The following REPS2 variants were observed in gnomAD, a reference collection of about 807,000 sequenced individuals.
REPS2 encodes the protein RALBP1 associated Eps domain containing 2, also known as ralBP1-associated Eps domain-containing protein 2.
In REPS2, 23 loss-of-function variants were observed where a neutral mutation model predicts 53.6. That is an observed-to-expected ratio of 0.43 (90% CI 0.31 to 0.61). The LOEUF is 0.61. Among genes scored for constraint, REPS2 ranks in the 20% least tolerant of loss-of-function variants. The pLI is 0.11. For synonymous variants in REPS2, 238 were observed against 218.6 expected, an observed-to-expected ratio of 1.09 and a Z score of -0.78; for missense variants, 446 against 534.9, an observed-to-expected ratio of 0.83 and a Z score of 1.64.
intron 17 of REPS2, among the ~76,000 whole-genome samples, chrX:17,144,980 A>G (rs954253): frequency 0.39 from 42,519 of 110,273 alleles, 6,357 homozygotes; most frequent in East Asian, 0.82. Flanking sequence ...AACTCACCCT[A>G]TGGTTATTTC....
chrX:17,058,530 A>C (rs1376285386), intron 8 of REPS2, among the ~76,000 whole-genome samples: 1 of 111,095 alleles, frequency 9.0e-6, no homozygotes. Context: ...GTTAACAGGA[A>C]AGAAGTAATC....
intron 13 of REPS2, 65 bp from the exon 14 acceptor site, chrX:17,103,653 C>T (rs1381347951): frequency 3.8e-6 from 4 of 1,040,217 alleles, no homozygotes; most frequent in Non-Finnish European, 5.4e-6. Flanking sequence ...AGTTAACAAG[C>T]ATAAGAGTTT....
At chrX:16,996,497 G>A (rs1377868895) in intron 1 of REPS2, among the ~76,000 whole-genome samples, 1 of 112,022 alleles carries the variant, frequency 8.9e-6, no homozygotes, top group Non-Finnish European at 1.9e-5. Context: ...AATAGGGCCA[G>A]CTTCTTCAGA....
intron 12 of REPS2, chrX:17,074,479 G>T: frequency 5.2e-6 from 1 of 193,016 alleles, no homozygotes; most frequent in Non-Finnish European, 9.5e-6. Flanking sequence ...GAAAATATGG[G>T]TAAGGTAACA....
the REPS2 span, among the ~76,000 whole-genome samples, chrX:17,159,439 C>G: frequency 9.0e-6 from 1 of 111,233 alleles, no homozygotes; most frequent in Non-Finnish European, 1.9e-5. Flanking sequence ...TCTTGTAACC[C>G]CACTGTTAGG....
At chrX:17,144,120 G>C (rs1006103698) in intron 17 of REPS2, among the ~76,000 whole-genome samples, 2 of 112,568 alleles carry the variant, frequency 1.8e-5, no homozygotes, top group African/African-American at 6.5e-5. Context: ...GGAGTGTCCA[G>C]AGTGGAGACT....
intron 14 of REPS2, among the ~76,000 whole-genome samples, chrX:17,117,991 G>A (rs1227541329): frequency 2.8e-5 from 2 of 71,946 alleles, no homozygotes; most frequent in African/African-American, 5.7e-5. Context: ...ACGGAGTCTC[G>A]CTCTGTCGCC....
chrX:17,076,006 G>A (rs1384595703), intron 12 of REPS2, among the ~76,000 whole-genome samples: 2 of 111,754 alleles, frequency 1.8e-5, no homozygotes, highest in African/African-American at 6.5e-5. Context: ...TGCCTTGCCT[G>A]TCTTGCCAGT....
intron 2 of REPS2, among the ~76,000 whole-genome samples, chrX:17,015,586 G>C (rs1031571386): frequency 1.1e-5 from 1 of 92,926 alleles, no homozygotes; most frequent in Non-Finnish European, 2.1e-5. Flanking sequence ...AACAGTCCCC[G>C]GTGTGTGATG....
the REPS2 span, among the ~76,000 whole-genome samples, chrX:17,176,282 A>G: frequency 9.0e-6 from 1 of 111,496 alleles, no homozygotes; most frequent in Non-Finnish European, 1.9e-5. Flanking sequence ...TCTCAGTGCT[A>G]CTTCTACAAT....
intron 8 of REPS2, among the ~76,000 whole-genome samples, chrX:17,061,825 CA>C (rs1376169239): frequency 8.9e-6 from 1 of 112,344 alleles, no homozygotes; most frequent in African/African-American, 3.2e-5. Flanking sequence ...AAATAACAGC[CA>C]GTGTCACTAT....
intron 2 of REPS2, among the ~76,000 whole-genome samples, chrX:17,011,664 C>T (rs756232698): frequency 8.9e-6 from 1 of 112,259 alleles, no homozygotes; most frequent in South Asian, 3.7e-4. Context: ...GCCTGTAATC[C>T]CAGCACTTTG....
downstream of REPS2, among the ~76,000 whole-genome samples, chrX:17,157,692 C>G (rs1391185914): frequency 8.9e-6 from 1 of 112,181 alleles, no homozygotes; most frequent in African/African-American, 3.2e-5. Context: ...GATTGAGAAA[C>G]TGTTACAGAA....
At chrX:17,140,675 C>T (rs2063430274) in intron 17 of REPS2, among the ~76,000 whole-genome samples, 1 of 109,247 alleles carries the variant, frequency 9.2e-6, no homozygotes, top group African/African-American at 3.3e-5. Context: ...AGCTAGAGTT[C>T]AATATATTTT....
the REPS2 span, among the ~76,000 whole-genome samples, chrX:17,182,525 A>G: frequency 1.8e-5 from 2 of 111,958 alleles, no homozygotes; most frequent in Non-Finnish European, 3.8e-5. Flanking sequence ...TGAGAACTCA[A>G]GGCTGCTGCT....
At chrX:17,196,643 T>G in the REPS2 span, among the ~76,000 whole-genome samples, 1 of 111,923 alleles carries the variant, frequency 8.9e-6, no homozygotes, top group African/African-American at 3.2e-5. Context: ...AAATGTTCAT[T>G]GTTTATAAGT....
chrX:17,066,087 G>A (rs1346624373), intron 9 of REPS2, among the ~76,000 whole-genome samples: 1 of 111,955 alleles, frequency 8.9e-6, no homozygotes, highest in Non-Finnish European at 1.9e-5. Context: ...GACCATAGAT[G>A]TAAGGGTTTA....
At chrX:16,998,168 G>C (rs954868037) in intron 1 of REPS2, among the ~76,000 whole-genome samples, 15 of 111,867 alleles carry the variant, frequency 1.3e-4, no homozygotes, top group African/African-American at 4.9e-4. Context: ...AGGATCACTT[G>C]AGCCTGGGAG....
At chrX:16,996,587 A>G (rs1354828117) in intron 1 of REPS2, among the ~76,000 whole-genome samples, 1 of 112,338 alleles carries the variant, frequency 8.9e-6, no homozygotes, top group African/African-American at 3.2e-5. Flanking sequence ...TGGGAGCTCT[A>G]CAAAGAAACC....
Sources: allele counts gnomAD v4.1 joint callset (sites outside exome capture counted in the v4.1 genomes callset), GRCh38; gene constraint gnomAD v4.1.1; transcripts MANE v1.5; gene names NCBI Gene and HGNC (gene_info 2026-07-23, HGNC 2026-07-21).